ENOX1: variants seen among roughly 807,000 people sequenced by gnomAD.
ENOX1 encodes candidate growth-related and time keeping constitutive hydroquinone (NADH) oxidase.
ENOX1 carries 42 observed loss-of-function variants against 82.5 expected under a neutral mutation model. The observed-to-expected ratio is 0.51, with a 90% confidence interval of 0.40 to 0.66. ENOX1 has a LOEUF of 0.66. Ranked by LOEUF, ENOX1 falls within the 30% of genes least tolerant of loss-of-function variation. ENOX1 has a pLI of 0.00. For synonymous variants in ENOX1, 271 were observed against 282.2 expected, an observed-to-expected ratio of 0.96 and a Z score of 0.40; for missense variants, 608 against 811.6, an observed-to-expected ratio of 0.75 and a Z score of 3.05.
At chr13:43,721,950 T>C (rs2088611520) in intron 1 of ENOX1, among the ~76,000 whole-genome samples, 1 of 152,056 alleles carries the variant, frequency 6.6e-6, no homozygotes, top group South Asian at 2.1e-4. Flanking sequence ...AGGAAGACAA[T>C]AACCCTGCTC....
rs979857521 is a variant in ENOX1 at position 43,341,026 on chromosome 13, A to G, written c.1036+3512T>C. ...CATAAAGATTCAGTGGGCTGGGCAC[A>G]GTGGCTTACACCTGTAATCCCAGCA... On this transcript the variant is annotated intron_variant, in intron 9 of 16. Coordinates refer to ENST00000690772, the MANE Select transcript of ENOX1 (RefSeq NM_001347969.2). 3.9e-5 allele frequency among the ~76,000 whole-genome samples: 6 copies of G among 152,186 alleles called. No individual in the cohort carries two copies. The South Asian group carries it at 1.2e-3, about 32-fold the overall frequency.
chr13:43,676,030 T>C (rs899850610), intron 1 of ENOX1, among the ~76,000 whole-genome samples: 1 of 152,226 alleles, frequency 6.6e-6, no homozygotes, highest in Non-Finnish European at 1.5e-5. Context: ...ATTTAAATTA[T>C]GAACCACAAG....
intron 2 of ENOX1, among the ~76,000 whole-genome samples, chr13:43,639,527 G>A (rs1293503715): frequency 6.6e-6 from 1 of 152,126 alleles, no homozygotes; most frequent in Non-Finnish European, 1.5e-5. Flanking sequence ...TGAAATAAAA[G>A]GCACTGATGC....
intron 1 of ENOX1, among the ~76,000 whole-genome samples, chr13:43,707,956 C>T (rs1451236919): frequency 1.3e-5 from 2 of 151,758 alleles, no homozygotes; most frequent in Non-Finnish European, 2.9e-5. Flanking sequence ...CCCCCTTATA[C>T]TAGGAATGTC....
chr13:43,721,418 G>A (rs1313851522), intron 1 of ENOX1, among the ~76,000 whole-genome samples: 54 of 110,780 alleles, frequency 4.9e-4, no homozygotes, highest in Admixed American at 2.2e-3. Context: ...TTGCTCTGTC[G>A]CCCAGGCTGG....
At chr13:43,435,041 C>T (rs2153616510) in intron 3 of ENOX1, among the ~76,000 whole-genome samples, 1 of 142,550 alleles carries the variant, frequency 7.0e-6, no homozygotes, top group South Asian at 2.3e-4. Context: ...AGATTACAAA[C>T]CTCTTAGCAT....
intron 5 of ENOX1, among the ~76,000 whole-genome samples, chr13:43,365,415 C>T (rs1320933810): frequency 6.6e-6 from 1 of 152,172 alleles, no homozygotes; most frequent in Non-Finnish European, 1.5e-5. Flanking sequence ...GGCTGCATTA[C>T]AGGTGTAGTC....
At chr13:43,239,101 T>C (rs1044012697) in intron 14 of ENOX1, among the ~76,000 whole-genome samples, 5 of 152,220 alleles carry the variant, frequency 3.3e-5, no homozygotes, top group African/African-American at 1.2e-4. Flanking sequence ...GCTTTGGTGA[T>C]GTTTTAGGGT....
At chr13:43,636,501 G>A (rs2083420874) in intron 2 of ENOX1, among the ~76,000 whole-genome samples, 1 of 152,116 alleles carries the variant, frequency 6.6e-6, no homozygotes, top group Non-Finnish European at 1.5e-5. Context: ...GGCCTCCCTG[G>A]AAAACTCTGT....
intron 2 of ENOX1, among the ~76,000 whole-genome samples, chr13:43,601,048 C>A (rs2081692482): frequency 1.3e-5 from 2 of 152,060 alleles, no homozygotes; most frequent in African/African-American, 4.8e-5. Flanking sequence ...CCTGGAAAAC[C>A]TTCCCAAGAA....
chr13:43,590,756 A>G (rs1303861867), intron 2 of ENOX1, among the ~76,000 whole-genome samples: 1 of 143,060 alleles, frequency 7.0e-6, no homozygotes, highest in Non-Finnish European at 1.5e-5. Context: ...AGCCTGGGCG[A>G]AAAAGTGAAA....
chr13:43,681,196 G>A (rs2085765297), intron 1 of ENOX1, among the ~76,000 whole-genome samples: 1 of 152,004 alleles, frequency 6.6e-6, no homozygotes. Context: ...TTATACTTTT[G>A]TTTTATAGAA....
At chr13:43,421,227 T>C (rs763466226) in intron 3 of ENOX1, among the ~76,000 whole-genome samples, 13 of 152,338 alleles carry the variant, frequency 8.5e-5, no homozygotes, top group Middle Eastern at 6.8e-3. Flanking sequence ...GTTATTCATA[T>C]ACAGATGCTC....
chr13:43,662,324 A>C (rs983347044), intron 2 of ENOX1, among the ~76,000 whole-genome samples: 1 of 152,182 alleles, frequency 6.6e-6, no homozygotes, highest in African/African-American at 2.4e-5. Context: ...GCAACTGAGA[A>C]GTCTTAAATT....
intron 2 of ENOX1, among the ~76,000 whole-genome samples, chr13:43,595,138 TACCTAGATCAG>T (rs2153727670): frequency 6.7e-6 from 1 of 148,786 alleles, no homozygotes; most frequent in South Asian, 2.2e-4. Flanking sequence ...GAAAGCGGCA[TACCTAGATCAG>T]AAGGAGCTTA....
intron 11 of ENOX1, among the ~76,000 whole-genome samples, chr13:43,299,911 G>C (rs1030342651): frequency 6.6e-6 from 1 of 152,186 alleles, no homozygotes; most frequent in Non-Finnish European, 1.5e-5. Context: ...CGCCTCCTGA[G>C]TGTTCTACCT....
At chr13:43,466,507 C>CA (rs998922937) in intron 3 of ENOX1, among the ~76,000 whole-genome samples, 4 of 152,112 alleles carry the variant, frequency 2.6e-5, no homozygotes, top group African/African-American at 9.6e-5. Context: ...AGAACAACTA[C>CA]AAAAAATAGA....
chr13:43,726,628 GAGA>G (rs1184181432), intron 1 of ENOX1, among the ~76,000 whole-genome samples: 3 of 152,166 alleles, frequency 2.0e-5, no homozygotes, highest in Admixed American at 6.5e-5. Flanking sequence ...ATGCCTGAAG[GAGA>G]AGAATTGGCC....
intron 2 of ENOX1, among the ~76,000 whole-genome samples, chr13:43,617,881 C>T (rs145989772): frequency 2.0e-3 from 180 of 88,770 alleles, no homozygotes; most frequent in Non-Finnish European, 3.4e-3. Flanking sequence ...TCCACGTCAA[C>T]ATCTACTGGT....
Sources: gnomAD v4.1 joint callset for allele counts (sites outside exome capture counted in the v4.1 genomes callset) on GRCh38, gnomAD v4.1.1 for gene constraint, MANE v1.5 for transcripts, NCBI Gene and HGNC (gene_info 2026-07-23, HGNC 2026-07-21) for gene names.